Variants in C6orf163 observed in about 807,000 individuals in gnomAD.
C6orf163 encodes chromosome 6 open reading frame 163, also known as uncharacterized protein C6orf163.
C6orf163 carries 22 observed loss-of-function variants against 28.4 expected under a neutral mutation model. The observed-to-expected ratio is 0.78, with a 90% CI of 0.55 to 1.11. The LOEUF (loss-of-function observed/expected upper bound fraction) is 1.11, where lower values mean the gene tolerates loss of function less well. Ranked by LOEUF, C6orf163 falls within the 50% of genes least tolerant of loss-of-function variation. The pLI is 0.00. For synonymous variants in C6orf163, 110 were observed against 123.6 expected, an observed-to-expected ratio of 0.89 and a Z score of 0.73; for missense variants, 342 against 389.1, an observed-to-expected ratio of 0.88 and a Z score of 1.02.
intron 4 of C6orf163, among the ~76,000 whole-genome samples, chr6:87,361,025 G>A (rs242285): frequency 0.37 from 56,826 of 152,018 alleles, 12,145 homozygotes; most frequent in Non-Finnish European, 0.48. Flanking sequence ...GGGGCTAGGC[G>A]CAGTGGCTCA....
chr6:87,348,119 C>A, intron 1 of C6orf163: 1 of 832,312 alleles, frequency 1.2e-6, no homozygotes, highest in Non-Finnish European at 1.4e-6. Context: ...GGCGACACTG[C>A]ACTGCAGGCT....
chr6:87,353,862 C>G lies in C6orf163; in HGVS notation c.352-2439C>G, dbSNP rs1265429736. Among the ~76,000 whole-genome samples the G allele has an allele frequency of 5.9e-5, 9 of 152,160 alleles. 1 individual carries two copies. In the South Asian group the frequency reaches 6.2e-4, roughly 11 times the overall value. ...AGATGCTTGATTTTTATTTTGTTTTCTTTTCTTTTGAAATGGAGTCTCTCT... is the reference window on the plus strand; with the variant it reads ...AGATGCTTGATTTTTATTTTGTTTTGTTTTCTTTTGAAATGGAGTCTCTCT... On this transcript the variant is annotated intron_variant, in intron 3 of 4. Transcript: ENST00000388923.
intron 1 of C6orf163, chr6:87,348,581 G>A: frequency 7.7e-7 from 1 of 1,295,016 alleles, no homozygotes; most frequent in Non-Finnish European, 9.8e-7. Flanking sequence ...TGTGTGGACT[G>A]GGTGTGATGA....
chr6:87,347,630 T>C, intron 1 of C6orf163: 21 of 985,394 alleles, frequency 2.1e-5, no homozygotes, highest in Non-Finnish European at 2.5e-5. Flanking sequence ...TACTTTTAAT[T>C]GCTAGTGACA....
chr6:87,348,049 G>A (rs142609101), intron 1 of C6orf163: 63 of 486,188 alleles, frequency 1.3e-4, no homozygotes, highest in Middle Eastern at 1.0e-3. Flanking sequence ...CCAGCTACTC[G>A]GGAGGCTGAG....
intron 4 of C6orf163, among the ~76,000 whole-genome samples, chr6:87,364,365 T>C (rs1777617610): frequency 6.6e-6 from 1 of 152,236 alleles, no homozygotes; most frequent in African/African-American, 2.4e-5. Context: ...ATTTTTAATA[T>C]TTTAAAAATG....
In C6orf163 at chr6:87,344,904, A is replaced by G. The variant is rs73488048; in HGVS notation, c.-196A>G. ...CATACCTTCTATGGCAGGGGCTTTT[A>G]GCACCATTCTTTAACGTTAGACACA... On this transcript the variant is annotated 5_prime_UTR_variant, in exon 1 of 5. Coordinates refer to ENST00000388923, the MANE Select transcript of C6orf163 (RefSeq NM_001010868.3). 9,975 of 430,066 alleles carry G rather than the reference A, an allele frequency of 0.023. 161 individuals are homozygous for G. The highest frequency in any genetic ancestry group is 0.047 in the Middle Eastern group (78 of 1,648). The allele number at this position is 430,066 out of a possible 1,614,324, so 26.6% of individuals were successfully genotyped here. A position where few individuals can be genotyped will look rare whatever the true frequency, so the allele number is the denominator to read the frequency against.
chr6:87,365,462 C>A lies in C6orf163; in HGVS notation c.*66C>A. The A allele has an allele frequency of 8.9e-7, 1 of 1,124,282 alleles. No homozygotes were observed. Among genetic ancestry groups the A allele is most frequent in the Non-Finnish European group, 1.2e-6 (1 of 801,618 alleles). The allele number at this position is 1,124,282 out of a possible 1,614,324, so 69.6% of individuals were successfully genotyped here. Reference sequence around the variant, plus strand: ...AGACTAAATAAATTTACTCAAAAACCATGTATTGATTCCCCAGCCTTGTGC... The same window carrying A: ...AGACTAAATAAATTTACTCAAAAACAATGTATTGATTCCCCAGCCTTGTGC... On this transcript the variant is annotated 3_prime_UTR_variant, in exon 5 of 5. Transcript: ENST00000388923.
At chr6:87,355,144 G>T (rs766401866) in intron 3 of C6orf163, among the ~76,000 whole-genome samples, 2 of 152,234 alleles carry the variant, frequency 1.3e-5, no homozygotes, top group Non-Finnish European at 2.9e-5. Context: ...TCACAGCCAG[G>T]AATGAAGTGA....
intron 1 of C6orf163, among the ~76,000 whole-genome samples, chr6:87,345,830 T>C (rs1243557091): frequency 1.4e-5 from 2 of 144,442 alleles, no homozygotes; most frequent in East Asian, 4.2e-4. Context: ...GGTAAGAAAA[T>C]TGCTTGAACC....
chr6:87,360,850 G>A (rs1001008122), intron 4 of C6orf163, among the ~76,000 whole-genome samples: 2 of 152,026 alleles, frequency 1.3e-5, no homozygotes, highest in Admixed American at 6.6e-5. Flanking sequence ...TATACACAAC[G>A]GGCACCACAC....
chr6:87,349,777 A>G (rs755925312), intron 2 of C6orf163, among the ~76,000 whole-genome samples: 9 of 152,332 alleles, frequency 5.9e-5, no homozygotes, highest in South Asian at 4.1e-4. Flanking sequence ...ATTTTGATTT[A>G]TCTCAAAATC....
chr6:87,364,916 A>G (rs1186463885), intron 4 of C6orf163, 45 bp from the exon 5 acceptor site: 1 of 1,395,834 alleles, frequency 7.2e-7, no homozygotes, highest in Non-Finnish European at 9.7e-7. Flanking sequence ...TTTTGTTTTT[A>G]GTGGCCAATC....
At chr6:87,345,396 C>T in intron 1 of C6orf163, 149 bp downstream of exon 1, 2 of 702,972 alleles carry the variant, frequency 2.8e-6, no homozygotes, top group Non-Finnish European at 4.3e-6. Context: ...TGGAATACAG[C>T]TTCTCCACTT....
intron 3 of C6orf163, among the ~76,000 whole-genome samples, chr6:87,355,899 C>T (rs776870878): frequency 1.4e-4 from 21 of 152,070 alleles, no homozygotes; most frequent in Admixed American, 3.9e-4. Context: ...CCAGGAGACA[C>T]GAGGCATAGT....
chr6:87,352,092 G>C (rs1777421806), intron 3 of C6orf163, among the ~76,000 whole-genome samples: 1 of 121,782 alleles, frequency 8.2e-6, no homozygotes, highest in Admixed American at 7.7e-5. Flanking sequence ...TAGTTAAAGG[G>C]GGATCGACCT....
intron 1 of C6orf163, 118 bp downstream of exon 1, chr6:87,345,365 A>G: frequency 3.1e-6 from 3 of 978,346 alleles, no homozygotes; most frequent in Non-Finnish European, 2.8e-6. Flanking sequence ...CCCTACAGGG[A>G]TATTTGAGGA....
chr6:87,349,041 C>A, intron 2 of C6orf163, 135 bp downstream of exon 2: 1 of 1,106,944 alleles, frequency 9.0e-7, no homozygotes, highest in Non-Finnish European at 1.2e-6. Flanking sequence ...TGGGCAAGTT[C>A]TACAACCTCT....
rs1212246626 is a variant in C6orf163, at chr6:87,348,839, A to G, written c.176A>G (p.Glu59Gly). 2.0e-6 allele frequency: 3 copies of G among 1,537,446 alleles called. No homozygotes were observed. The highest frequency in any genetic ancestry group is 2.0e-5 in the Admixed American group (1 of 50,962). ...LDIGANILKKEEQFQEDILRE... is the reference protein window; with the variant it reads ...LDIGANILKKGEQFQEDILRE... ...ATTGGGGCAAATATTCTGAAAAAAGAAGAGCAGTTTCAAGAAGATATACTC... is the reference window on the plus strand; with the variant it reads ...ATTGGGGCAAATATTCTGAAAAAAGGAGAGCAGTTTCAAGAAGATATACTC... The change falls in exon 2 of 5, where the codon GAA becomes GGA. Residue 59 changes from glutamate (E) to glycine (G), a missense_variant. Coordinates refer to ENST00000388923, the MANE Select transcript of C6orf163 (RefSeq NM_001010868.3).
Sources: allele counts gnomAD v4.1 joint callset (sites outside exome capture counted in the v4.1 genomes callset), GRCh38; gene constraint gnomAD v4.1.1; transcripts MANE v1.5; gene names NCBI Gene and HGNC (gene_info 2026-07-23, HGNC 2026-07-21).